The following MED15 variants were observed in gnomAD, a reference collection of about 807,000 sequenced individuals.
MED15 encodes the protein mediator complex subunit 15.
In MED15, 41 loss-of-function variants were observed where a neutral mutation model predicts 118.7. The observed-to-expected ratio is 0.35, with a 90% CI of 0.27 to 0.45. The LOEUF (loss-of-function observed/expected upper bound fraction) is 0.45, where lower values mean the gene tolerates loss of function less well. MED15 is among the 20% of genes least tolerant of loss of function. MED15 has a pLI of 1.00. For synonymous variants in MED15, 436 were observed against 413.9 expected, an observed-to-expected ratio of 1.05 and a Z score of -0.65; for missense variants, 740 against 1,025.5, an observed-to-expected ratio of 0.72 and a Z score of 3.80.
rs745737152 is a variant in MED15 at position 20,507,630 on chromosome 22, G to A, written c.-49G>A. Reference sequence around the variant, plus strand: ...GGCCTGGCTCTGTGACTGAGGCGGCGGCGGTGGCGGCCAAGCGGGATACGG... The same window carrying A: ...GGCCTGGCTCTGTGACTGAGGCGGCAGCGGTGGCGGCCAAGCGGGATACGG... On this transcript the variant is annotated 5_prime_UTR_variant, in exon 1 of 18. Coordinates refer to ENST00000263205, the MANE Select transcript of MED15 (RefSeq NM_001003891.3). 1.9e-6 allele frequency: 3 copies of A among 1,611,490 alleles called. No individual in the cohort carries two copies. In the South Asian group the frequency reaches 3.3e-5, roughly 18 times the overall value.
intron 2 of MED15, among the ~76,000 whole-genome samples, chr22:20,537,970 G>C (rs2055144802): frequency 6.6e-6 from 1 of 152,214 alleles, no homozygotes; most frequent in Non-Finnish European, 1.5e-5. Flanking sequence ...GGTAGAGTGG[G>C]CTCTGTACTA....
At position 20,555,070 on chromosome 22, in the gene MED15, C is replaced by A. The variant is rs1171481717; in HGVS notation, c.373C>A (p.Leu125Ile). The change falls in exon 5 of 18, where the codon CTC (leucine) becomes ATC (isoleucine). Residue 125 changes from leucine to isoleucine, a missense_variant. Physicochemically the swap from Leu to Ile is conservative, Grantham distance 5. Transcript: ENST00000263205. Reference protein sequence around the residue: ...SLGAMGQPMSLSGQPPPGTSG... With the variant: ...SLGAMGQPMSISGQPPPGTSG... ...TGGTGCCATGGGACAGCCAATGTCT[C>A]TCTCAGGGCAGCCGCCTCCTGGGAC... The A allele has an allele frequency of 3.7e-6, 6 of 1,612,718 alleles. No individual in the cohort carries two copies. Among genetic ancestry groups the A allele is most frequent in the Non-Finnish European group, 5.1e-6 (6 of 1,179,934 alleles).
At chr22:20,528,665 A>T (rs11913514) in intron 1 of MED15, among the ~76,000 whole-genome samples, 19,468 of 152,142 alleles carry the variant, frequency 0.13, 1,433 homozygotes, top group Non-Finnish European at 0.15. Context: ...CTGTGGGTGA[A>T]GACCTGGCTG....
intron 1 of MED15, among the ~76,000 whole-genome samples, chr22:20,510,984 A>G (rs2054043742): frequency 6.6e-6 from 1 of 151,920 alleles, no homozygotes; most frequent in South Asian, 2.1e-4. Context: ...TCAGTTCTCA[A>G]ATTTGTCTGT....
intron 1 of MED15, chr22:20,508,277 C>T (rs1189096704): frequency 7.7e-7 from 1 of 1,298,336 alleles, no homozygotes. Flanking sequence ...CGAAGGATGG[C>T]AGGAAGCCGC....
At chr22:20,541,560 T>G (rs895261027) in intron 2 of MED15, among the ~76,000 whole-genome samples, 2 of 150,940 alleles carry the variant, frequency 1.3e-5, no homozygotes, top group African/African-American at 4.9e-5. Context: ...CTCGTCTCAC[T>G]ACAGCCTTCG....
At chr22:20,537,277 C>G in intron 2 of MED15, 73 bp downstream of exon 2, 1 of 1,371,240 alleles carries the variant, frequency 7.3e-7, no homozygotes, top group Non-Finnish European at 1.0e-6. Context: ...TCTGGAACCC[C>G]TCTGTTGGGT....
At position 20,582,682 on chromosome 22, in the gene MED15, G is replaced by T; in HGVS notation, c.1344G>T (p.Met448Ile). Residue 448 changes from methionine (M) to isoleucine (I), a missense_variant, in exon 10 of 18, where the codon ATG (methionine) becomes ATT (isoleucine). Met to Ile is a conservative substitution (Grantham distance 10, BLOSUM62 1). Coordinates refer to ENST00000263205, the MANE Select transcript of MED15 (RefSeq NM_001003891.3). ...AGCAGGTGCAGACCCCGCAGTCGAT[G>T]CCCCCTCCCCCCCAGCCGTCCCCGC... ...PGQQVQTPQS[M>I]PPPPQPSPQP... 6.3e-7 allele frequency: 1 copy of T among 1,597,492 alleles called. No individual in the cohort carries two copies. The highest frequency in any genetic ancestry group is 1.1e-5 in the South Asian group (1 of 90,646).
In MED15 at chr22:20,568,605, G is replaced by A; in HGVS notation, c.1126G>A (p.Ala376Thr). 6.2e-7 allele frequency: 1 copy of A among 1,613,638 alleles called. No individual in the cohort carries two copies. Among genetic ancestry groups the A allele is most frequent in the Non-Finnish European group, 8.5e-7 (1 of 1,179,976 alleles). Residue 376 changes from alanine to threonine, a missense_variant, in exon 8 of 18, where the codon GCC (alanine) becomes ACC (threonine). Transcript: ENST00000263205. ...GACAGCAGTACAGACAGCTCAGGCTGCCCAGATGGTGGCTCCCGGAGTCCA... is the reference window on the plus strand; with the variant it reads ...GACAGCAGTACAGACAGCTCAGGCTACCCAGATGGTGGCTCCCGGAGTCCA... Reference protein sequence around the residue: ...QQTAVQTAQAAQMVAPGVQMI... With the variant: ...QQTAVQTAQATQMVAPGVQMI...
intron 16 of MED15, 168 bp downstream of exon 16, chr22:20,585,435 C>A: frequency 1.1e-6 from 1 of 941,564 alleles, no homozygotes; most frequent in South Asian, 1.7e-5. Flanking sequence ...GACAGCCTGG[C>A]CATGCCTCAG....
chr22:20,568,600 A>C lies in MED15; in HGVS notation c.1121A>C (p.Gln374Pro). 1 of 1,613,742 alleles carries C rather than the reference A, an allele frequency of 6.2e-7. No individual in the cohort carries two copies. The highest frequency in any genetic ancestry group is 8.5e-7 in the Non-Finnish European group (1 of 1,179,986). ...QQQQTAVQTA[Q>P]AAQMVAPGVQ... ...CAGCAGACAGCAGTACAGACAGCTC[A>C]GGCTGCCCAGATGGTGGCTCCCGGA... is the stretch of plus-strand genomic sequence containing the variant. The change falls in exon 8 of 18, where the codon CAG becomes CCG. Residue 374 changes from glutamine (Q) to proline (P), a missense_variant. This residue lies in a region of MED15 where 384 missense variants were observed against 506.3 expected (regional missense o/e 0.76). Coordinates refer to ENST00000263205, the MANE Select transcript of MED15 (RefSeq NM_001003891.3).
At position 20,585,111 on chromosome 22, in the gene MED15, G is replaced by T. The variant is rs780911694; in HGVS notation, c.1975G>T (p.Val659Leu). The T allele has an allele frequency of 1.2e-6, 2 of 1,613,568 alleles. No homozygotes were observed. Among genetic ancestry groups the T allele is most frequent in the Non-Finnish European group, 1.7e-6 (2 of 1,179,976 alleles). ...IHGPPITAPV[V>L]CTRKRRLEDD... Reference sequence around the variant, plus strand: ...ATGCCGCCTCCCCAGGGCCCCAGTGGTGTGCACCCGGAAGCGCAGGCTTGA... The same window carrying T: ...ATGCCGCCTCCCCAGGGCCCCAGTGTTGTGCACCCGGAAGCGCAGGCTTGA... Residue 659 changes from valine to leucine, a missense_variant, in exon 16 of 18, where the codon GTG (valine) becomes TTG (leucine). Physicochemically the swap from Val to Leu is conservative, Grantham distance 32. Coordinates refer to ENST00000263205, the MANE Select transcript of MED15 (RefSeq NM_001003891.3).
intron 2 of MED15, among the ~76,000 whole-genome samples, chr22:20,547,070 C>T (rs2146496056): frequency 6.6e-6 from 1 of 152,234 alleles, no homozygotes; most frequent in African/African-American, 2.4e-5. Context: ...AAACATGTGT[C>T]TTTTCTGTTA....
intron 17 of MED15, 117 bp from the exon 18 acceptor site, chr22:20,586,451 C>T (rs886976417): frequency 6.8e-7 from 1 of 1,469,448 alleles, no homozygotes; most frequent in Admixed American, 1.9e-5. Flanking sequence ...CAGGACACAT[C>T]ACCTCCTGGT....
At chr22:20,575,261 G>T in intron 9 of MED15, 29 bp downstream of exon 9, 2 of 1,609,522 alleles carry the variant, frequency 1.2e-6, no homozygotes, top group Middle Eastern at 1.7e-4. Flanking sequence ...CCAGGGCACG[G>T]CTGGGAGCTC....
At chr22:20,530,714 G>A (rs117927220) in intron 1 of MED15, among the ~76,000 whole-genome samples, 4 of 152,228 alleles carry the variant, frequency 2.6e-5, no homozygotes, top group Admixed American at 2.6e-4. Flanking sequence ...GTTGGGGTGG[G>A]GAGGCCAGTT....
At chr22:20,584,251 T>G (rs1211763832) in intron 13 of MED15, 108 bp from the exon 14 acceptor site, 5 of 1,118,020 alleles carry the variant, frequency 4.5e-6, no homozygotes, top group Non-Finnish European at 6.8e-6. Context: ...TGGTAGGAGC[T>G]CCTGCAGAGG....
At chr22:20,541,100 G>T (rs1054910204) in intron 2 of MED15, among the ~76,000 whole-genome samples, 1 of 152,002 alleles carries the variant, frequency 6.6e-6, no homozygotes, top group South Asian at 2.1e-4. Flanking sequence ...TTAGCCAGGC[G>T]TGGTGGTGGG....
chr22:20,568,760 C>CT, intron 8 of MED15, 129 bp downstream of exon 8: 2 of 1,440,432 alleles, frequency 1.4e-6, no homozygotes, highest in Non-Finnish European at 1.9e-6. Flanking sequence ...AGGGGCTTCT[C>CT]TCCCCCTTGC....
Sources: gnomAD v4.1 joint callset for allele counts (sites outside exome capture counted in the v4.1 genomes callset) on GRCh38, gnomAD v4.1.1 for gene constraint, gnomAD v4.1.1 regional missense constraint, MANE v1.5 for transcripts, NCBI Gene and HGNC (gene_info 2026-07-23, HGNC 2026-07-21) for gene names.